The following PTDSS1 variants were observed in gnomAD, a reference collection of about 807,000 sequenced individuals.
PTDSS1 encodes phosphatidylserine synthase 1.
In PTDSS1, 45 loss-of-function variants were observed where a neutral mutation model predicts 70.5. That is an observed-to-expected ratio of 0.64 (90% CI 0.50 to 0.82). The LOEUF (loss-of-function observed/expected upper bound fraction) is 0.82, where lower values mean the gene tolerates loss of function less well. PTDSS1 is among the 40% of genes least tolerant of loss of function. The pLI, the probability that PTDSS1 is intolerant of heterozygous loss-of-function variation, is 0.00. For missense variants in PTDSS1, 417 were observed against 586.1 expected, an observed-to-expected ratio of 0.71 and a Z score of 2.98; for synonymous variants, 188 against 203.8, an observed-to-expected ratio of 0.92 and a Z score of 0.66.
chr8:96,322,818 T>C (rs1811390957), intron 10 of PTDSS1, among the ~76,000 whole-genome samples: 1 of 152,184 alleles, frequency 6.6e-6, no homozygotes, highest in Non-Finnish European at 1.5e-5. Flanking sequence ...CTGAGGTGAA[T>C]TAACCCCACT....
rs1475144141 is a variant in PTDSS1, at chr8:96,287,242, T to C, written c.441+96T>C. On this transcript the variant is annotated intron_variant, in intron 4 of 12. Coordinates refer to ENST00000517309, the MANE Select transcript of PTDSS1 (RefSeq NM_014754.3). ...GACATTTTAAATTGTTCCTTCTCTG[T>C]ATTTCCTGTGTAGTTACCTAAAAAC... 17 of 1,490,310 alleles carry C rather than the reference T, an allele frequency of 1.1e-5. No individual in the cohort carries two copies. In the East Asian group the frequency reaches 3.4e-4, roughly 30 times the overall value. The allele number at this position is 1,490,310 out of a possible 1,614,324, so 92.3% of individuals were successfully genotyped here.
At chr8:96,310,831 T>C (rs1811200704) in intron 9 of PTDSS1, among the ~76,000 whole-genome samples, 1 of 152,018 alleles carries the variant, frequency 6.6e-6, no homozygotes, top group South Asian at 2.1e-4. Context: ...AGTGGCGTGA[T>C]CTCGGCTCAC....
chr8:96,274,699 T>A (rs1810615889), intron 2 of PTDSS1, among the ~76,000 whole-genome samples: 1 of 152,184 alleles, frequency 6.6e-6, no homozygotes, highest in African/African-American at 2.4e-5. Context: ...TACTCCAGCC[T>A]GGGAACAAGA....
At chr8:96,320,796 G>A (rs1811363230) in intron 10 of PTDSS1, among the ~76,000 whole-genome samples, 1 of 152,174 alleles carries the variant, frequency 6.6e-6, no homozygotes, top group Non-Finnish European at 1.5e-5. Context: ...AAGATAATTC[G>A]ATCCTGCAAT....
At chr8:96,299,623 G>A (rs549546808) in intron 5 of PTDSS1, 71 bp from the exon 6 acceptor site, 27 of 1,417,378 alleles carry the variant, frequency 1.9e-5, no homozygotes, top group Middle Eastern at 4.0e-4. Flanking sequence ...TTGTTAAAAA[G>A]GAAATCTATC....
chr8:96,324,973 G>A (rs1370356708), intron 10 of PTDSS1, among the ~76,000 whole-genome samples: 4 of 152,052 alleles, frequency 2.6e-5, no homozygotes, highest in South Asian at 4.1e-4. Context: ...CTCTTAGTCC[G>A]GGCTTCATTC....
intron 6 of PTDSS1, among the ~76,000 whole-genome samples, chr8:96,301,198 C>T (rs1435860334): frequency 2.6e-5 from 4 of 152,116 alleles, no homozygotes; most frequent in African/African-American, 4.8e-5. Context: ...GGTACAATCT[C>T]GGCTCGCTGC....
rs200849866 is a variant in PTDSS1, at chr8:96,284,434, CTT to C, written c.316+282_316+283del. ...CAGGATTTGACTTAAGCAAATATCTCTTGTTTTCCTTTATGTGTTTTCATAGT... is the reference window on the plus strand; with the variant it reads ...CAGGATTTGACTTAAGCAAATATCTCGTTTTCCTTTATGTGTTTTCATAGT... On this transcript the variant is annotated intron_variant, in intron 3 of 12. Coordinates refer to ENST00000517309, the MANE Select transcript of PTDSS1 (RefSeq NM_014754.3). Among the ~76,000 whole-genome samples, 239 of 152,302 alleles carry C rather than the reference CTT, an allele frequency of 1.6e-3. 3 individuals carry two copies. In the East Asian group the frequency reaches 0.042, roughly 27 times the overall value.
intron 8 of PTDSS1, chr8:96,309,334 T>C (rs951587076): frequency 1.5e-5 from 6 of 404,394 alleles, no homozygotes; most frequent in South Asian, 6.9e-5. Context: ...AGAATCTGGC[T>C]CTTTAAATGA....
chr8:96,335,188 A>G lies in PTDSS1; in HGVS notation c.*1622A>G, dbSNP rs1811577632. 2 of 152,232 alleles carry G rather than the reference A, an allele frequency of 1.3e-5. No individual in the cohort carries two copies. The highest frequency in any genetic ancestry group is 2.9e-5 in the Non-Finnish European group (2 of 68,052). 9.4% of individuals were successfully genotyped at this position (152,232 alleles called of 1,614,324 possible). On this transcript the variant is annotated 3_prime_UTR_variant, in exon 13 of 13. Transcript: ENST00000517309. ...GCCAGCATCTGCCTGCTTCCCACAA[A>G]AGGATAGAAGAGAGGCAAAGTGCGT...
intron 1 of PTDSS1, among the ~76,000 whole-genome samples, chr8:96,272,252 T>C (rs1346433244): frequency 6.6e-6 from 1 of 152,202 alleles, no homozygotes; most frequent in South Asian, 2.1e-4. Flanking sequence ...TTGTTTTGTT[T>C]TGAGGTTCAT....
At chr8:96,320,176 C>A in intron 9 of PTDSS1, 70 bp from the exon 10 acceptor site, 3 of 1,294,756 alleles carry the variant, frequency 2.3e-6, no homozygotes, top group Non-Finnish European at 3.3e-6. Flanking sequence ...TTCAATCATG[C>A]ATATTTTGGA....
chr8:96,277,361 G>A (rs560705313), intron 2 of PTDSS1, among the ~76,000 whole-genome samples: 2 of 152,326 alleles, frequency 1.3e-5, no homozygotes, highest in African/African-American at 2.4e-5. Context: ...TGCCCCTGAG[G>A]TGCGTGGCCT....
At position 96,298,684 on chromosome 8, in the gene PTDSS1, CAGAA is replaced by C. The variant is rs144176313; in HGVS notation, c.601-1009_601-1006del. 5.9e-5 allele frequency among the ~76,000 whole-genome samples: 9 copies of C among 152,304 alleles called. No individual in the cohort carries two copies. In the East Asian group the frequency reaches 1.2e-3, roughly 20 times the overall value. ...GGCCAAAAGAACCTTCAGCCTCAGT[CAGAA>C]TGAATGTTTTTTTCCACCATACTCC... On this transcript the variant is annotated intron_variant, in intron 5 of 12. Coordinates refer to ENST00000517309, the MANE Select transcript of PTDSS1 (RefSeq NM_014754.3).
rs1563576124 is a variant in PTDSS1 at position 96,306,433 on chromosome 8, GT to G, written c.895-10del. ...AGGTACCAGGTTGACTAATTTCTCC[GT>G]CTTTTTCAGCTGACTGAGTTGAATA... On this transcript the variant is annotated splice_polypyrimidine_tract_variant and intron_variant, in intron 7 of 12. Transcript: ENST00000517309. 6.2e-7 allele frequency: 1 copy of G among 1,603,372 alleles called. No homozygotes were observed. The highest frequency in any genetic ancestry group is 1.1e-5 in the South Asian group (1 of 90,742).
chr8:96,333,418 G>C (rs1563589257), intron 12 of PTDSS1, 39 bp from the exon 13 acceptor site: 1 of 1,564,160 alleles, frequency 6.4e-7, no homozygotes, highest in Non-Finnish European at 8.8e-7. Flanking sequence ...CCAATCTCCA[G>C]AGCCCAGGGT....
chr8:96,312,529 C>G (rs567028363), intron 9 of PTDSS1, among the ~76,000 whole-genome samples: 2 of 151,232 alleles, frequency 1.3e-5, no homozygotes, highest in East Asian at 3.9e-4. Context: ...AACACTGCCC[C>G]AGAAAGTTGT....
intron 10 of PTDSS1, among the ~76,000 whole-genome samples, chr8:96,329,401 G>GT (rs1480105818): frequency 2.6e-5 from 4 of 152,194 alleles, no homozygotes; most frequent in African/African-American, 9.7e-5. Flanking sequence ...CCTGCCTTTG[G>GT]TATGCAGTCC....
intron 2 of PTDSS1, among the ~76,000 whole-genome samples, chr8:96,280,215 A>G (rs1394021917): frequency 6.6e-6 from 1 of 152,182 alleles, no homozygotes; most frequent in Non-Finnish European, 1.5e-5. Flanking sequence ...TGCTCTTAAT[A>G]TAAGATTGAA....
Sources: gnomAD v4.1 joint callset for allele counts (sites outside exome capture counted in the v4.1 genomes callset) on GRCh38, gnomAD v4.1.1 for gene constraint, MANE v1.5 for transcripts, NCBI Gene and HGNC (gene_info 2026-07-23, HGNC 2026-07-21) for gene names.